SLC9A9: variants seen among roughly 807,000 people sequenced by gnomAD.
The protein encoded by SLC9A9 is sodium/hydrogen exchanger 9.
SLC9A9 carries 62 observed loss-of-function variants against 77.8 expected under a neutral mutation model. That is an observed-to-expected ratio of 0.80 (90% CI 0.65 to 0.98). The LOEUF (loss-of-function observed/expected upper bound fraction) is 0.98. Ranked by LOEUF, SLC9A9 falls within the 50% of genes least tolerant of loss-of-function variation. The pLI, the probability that SLC9A9 is intolerant of heterozygous loss-of-function variation, is 0.00. For synonymous variants in SLC9A9, 320 were observed against 283.5 expected (o/e 1.13, Z -1.29); for missense variants, 775 against 774.9 (o/e 1.00, Z 0.00).
chr3:143,476,851 A>C (rs528124128), intron 11 of SLC9A9, among the ~76,000 whole-genome samples: 1 of 152,292 alleles, frequency 6.6e-6, no homozygotes, highest in Admixed American at 6.5e-5. Context: ...TCCAGTTGGT[A>C]GAAGCCAGGG....
At chr3:143,674,049 A>G (rs79111405) in intron 5 of SLC9A9, among the ~76,000 whole-genome samples, 157 of 152,356 alleles carry the variant, frequency 1.0e-3, no homozygotes, top group African/African-American at 3.7e-3. Flanking sequence ...AAAGTGCCTG[A>G]GAAGAATTCA....
intron 5 of SLC9A9, among the ~76,000 whole-genome samples, chr3:143,665,789 T>C (rs1033755922): frequency 6.6e-6 from 1 of 152,178 alleles, no homozygotes; most frequent in African/African-American, 2.4e-5. Context: ...CAGGAAGAAG[T>C]TGAATCCATG....
intron 10 of SLC9A9, among the ~76,000 whole-genome samples, chr3:143,495,097 T>C (rs1468272441): frequency 6.6e-6 from 1 of 152,202 alleles, no homozygotes; most frequent in Non-Finnish European, 1.5e-5. Context: ...TCCTTTAATT[T>C]CCCTCTTTAT....
intron 6 of SLC9A9, among the ~76,000 whole-genome samples, chr3:143,624,939 CA>C (rs201482988): frequency 6.6e-6 from 1 of 152,102 alleles, no homozygotes; most frequent in African/African-American, 2.4e-5. Context: ...AATCAATGTG[CA>C]AAAATTACAA....
intron 6 of SLC9A9, among the ~76,000 whole-genome samples, chr3:143,589,331 C>A (rs150387757): frequency 1.1e-4 from 16 of 152,256 alleles, no homozygotes; most frequent in African/African-American, 2.4e-4. Context: ...CTCATTTAAT[C>A]CTTCCAATTA....
Position 143,596,416 on chromosome 3 carries a change from T to C in SLC9A9, c.756-17693A>G, listed in dbSNP as rs932785916. Among the ~76,000 whole-genome samples, 9 of 152,290 alleles carry C rather than the reference T, an allele frequency of 5.9e-5. No individual in the cohort carries two copies. The East Asian group carries it at 1.2e-3, about 20-fold the overall frequency. The stretch of plus-strand genomic sequence containing the variant: ...AGTGAAGGATTTTGGTTTTGATGGA[T>C]GTTCTTGCTATACTCAAGGCTTTTT... On this transcript the variant is annotated intron_variant, in intron 6 of 15. Transcript: ENST00000316549.
chr3:143,599,147 G>T (rs2037805299), intron 6 of SLC9A9, among the ~76,000 whole-genome samples: 1 of 152,298 alleles, frequency 6.6e-6, no homozygotes, highest in East Asian at 1.9e-4. Context: ...AAAGCCTACC[G>T]TGTGCCTCAT....
At chr3:143,668,965 C>T (rs2039118431) in intron 5 of SLC9A9, among the ~76,000 whole-genome samples, 1 of 152,194 alleles carries the variant, frequency 6.6e-6, no homozygotes, top group South Asian at 2.1e-4. Flanking sequence ...CCAAGAGGCA[C>T]CTGTGAGTCT....
At chr3:143,508,425 T>A (rs779093721) in intron 9 of SLC9A9, among the ~76,000 whole-genome samples, 17 of 152,238 alleles carry the variant, frequency 1.1e-4, no homozygotes, top group Admixed American at 2.0e-4. Context: ...AACCCTAGAA[T>A]CAAACCAGTA....
intron 2 of SLC9A9, among the ~76,000 whole-genome samples, chr3:143,816,876 T>C (rs1191656623): frequency 6.6e-6 from 1 of 152,232 alleles, no homozygotes; most frequent in Non-Finnish European, 1.5e-5. Flanking sequence ...ATGATCATTA[T>C]CTTAAAGTTT....
At chr3:143,821,682 AC>A (rs1274828943) in intron 2 of SLC9A9, among the ~76,000 whole-genome samples, 2 of 152,186 alleles carry the variant, frequency 1.3e-5, no homozygotes, top group Non-Finnish European at 2.9e-5. Flanking sequence ...CCTGATTTGT[AC>A]CTTTTGCCAA....
At chr3:143,786,693 T>G (rs576364304) in intron 4 of SLC9A9, among the ~76,000 whole-genome samples, 1 of 152,294 alleles carries the variant, frequency 6.6e-6, no homozygotes, top group African/African-American at 2.4e-5. Flanking sequence ...TTAGAGATTA[T>G]TTTTTCTTAT....
intron 12 of SLC9A9, among the ~76,000 whole-genome samples, chr3:143,442,995 A>G (rs1268409138): frequency 1.3e-5 from 2 of 152,184 alleles, no homozygotes; most frequent in African/African-American, 4.8e-5. Flanking sequence ...GTACTTAAGC[A>G]TGATCAACTG....
In SLC9A9 at chr3:143,652,298, C is replaced by A; in HGVS notation, c.712G>T (p.Gly238Ter). The change falls in exon 6 of 16, where the codon GGA (glycine) becomes TGA (stop). Residue 238 changes from glycine to a stop codon, truncating the protein, a stop_gained. Transcript: ENST00000316549. LOFTEE classifies it high-confidence loss of function. ...ACTGCATCATTCAACACACTCTCTCCAAACAAGAGTGTGTACAGGTCAGGG... is the reference window on the plus strand; with the variant it reads ...ACTGCATCATTCAACACACTCTCTCAAAACAAGAGTGTGTACAGGTCAGGG... ...VDPDLYTLLF[G>*]ESVLNDAVAI... 1 of 1,613,368 alleles carries A rather than the reference C, an allele frequency of 6.2e-7. No homozygotes were observed. The highest frequency in any genetic ancestry group is 1.1e-5 in the South Asian group (1 of 90,904).
intron 13 of SLC9A9, chr3:143,381,550 C>A: frequency 6.0e-6 from 1 of 166,850 alleles, no homozygotes; most frequent in South Asian, 1.6e-4. Context: ...ACTCATTGTT[C>A]TAAACAATTA....
chr3:143,602,076 A>C (rs1040509801), intron 6 of SLC9A9, among the ~76,000 whole-genome samples: 8 of 152,194 alleles, frequency 5.3e-5, no homozygotes, highest in African/African-American at 1.7e-4. Context: ...TCTTTCTCCA[A>C]GTTTTAAAAA....
chr3:143,344,206 A>G (rs533926603), intron 14 of SLC9A9, among the ~76,000 whole-genome samples: 65 of 152,300 alleles, frequency 4.3e-4, no homozygotes, highest in African/African-American at 1.5e-3. Context: ...GAAAGCTTCT[A>G]TGACTACCGA....
At chr3:143,401,284 C>T (rs1336574402) in intron 12 of SLC9A9, among the ~76,000 whole-genome samples, 1 of 152,148 alleles carries the variant, frequency 6.6e-6, no homozygotes, top group East Asian at 1.9e-4. Flanking sequence ...ACCCAGCTAC[C>T]CTCTCTGGGT....
At chr3:143,669,451 A>C (rs1322811657) in intron 5 of SLC9A9, among the ~76,000 whole-genome samples, 1 of 152,194 alleles carries the variant, frequency 6.6e-6, no homozygotes, top group Non-Finnish European at 1.5e-5. Context: ...GAACTGCTTC[A>C]AACGGTTTTC....
Sources: allele counts gnomAD v4.1 joint callset (sites outside exome capture counted in the v4.1 genomes callset), GRCh38; gene constraint gnomAD v4.1.1; transcripts MANE v1.5; gene names NCBI Gene and HGNC (gene_info 2026-07-23, HGNC 2026-07-21).